Variants in LRRC7 observed in about 807,000 individuals in gnomAD.
LRRC7 encodes the protein leucine rich repeat containing 7.
Under a neutral mutation model 175.7 loss-of-function variants are expected in LRRC7, and 23 were observed. The ratio of observed to expected loss-of-function variants is 0.13; its 90% CI spans 0.09 to 0.19. LRRC7 has a LOEUF of 0.19. LRRC7 is among the 10% of genes least tolerant of loss of function. The pLI is 1.00. For synonymous variants in LRRC7, 685 were observed against 680.9 expected (o/e 1.01, Z -0.09); for missense variants, 1,354 against 1,904.7 (o/e 0.71, Z 5.38).
At chr1:70,050,562 T>C (rs549684015) in intron 22 of LRRC7, among the ~76,000 whole-genome samples, 1 of 152,158 alleles carries the variant, frequency 6.6e-6, no homozygotes, top group Admixed American at 6.5e-5. Context: ...CCAAAGAAAA[T>C]ATCAAGAATG....
At chr1:69,887,581 G>T (rs1205364968) in intron 7 of LRRC7, among the ~76,000 whole-genome samples, 19 of 152,084 alleles carry the variant, frequency 1.2e-4, no homozygotes, top group Admixed American at 1.2e-3. Context: ...CCATAGCTCA[G>T]AGTAATTTGA....
At chr1:69,724,278 G>GT (rs1666686691) in intron 2 of LRRC7, among the ~76,000 whole-genome samples, 1 of 152,126 alleles carries the variant, frequency 6.6e-6, no homozygotes, top group African/African-American at 2.4e-5. Flanking sequence ...GCAGGCGGAG[G>GT]TTGCAGTGAA....
At chr1:69,637,565 G>A (rs1653582394) in intron 1 of LRRC7, among the ~76,000 whole-genome samples, 1 of 151,790 alleles carries the variant, frequency 6.6e-6, no homozygotes, top group Admixed American at 6.6e-5. Context: ...TTGGAAAATT[G>A]ACTGGATTTT....
chr1:70,062,265 A>T (rs1661637142), intron 23 of LRRC7, among the ~76,000 whole-genome samples: 1 of 152,124 alleles, frequency 6.6e-6, no homozygotes, highest in East Asian at 1.9e-4. Context: ...TGCACTGTTG[A>T]GGTTGTAAAA....
chr1:69,698,382 G>A (rs753848227), intron 2 of LRRC7, among the ~76,000 whole-genome samples: 41 of 152,158 alleles, frequency 2.7e-4, no homozygotes, highest in Non-Finnish European at 5.7e-4. Flanking sequence ...TCTGATATTT[G>A]ACAAAAATGA....
chr1:69,644,006 G>T (rs903463237), intron 1 of LRRC7, among the ~76,000 whole-genome samples: 2 of 152,260 alleles, frequency 1.3e-5, no homozygotes, highest in African/African-American at 4.8e-5. Context: ...AGCAAAATTT[G>T]TGGGATGCAG....
intron 1 of LRRC7, among the ~76,000 whole-genome samples, chr1:69,676,783 A>T (rs955403103): frequency 1.3e-5 from 2 of 151,994 alleles, no homozygotes; most frequent in Non-Finnish European, 2.9e-5. Context: ...TTTTTAAAAA[A>T]TTTTCTTATT....
chr1:70,061,396 A>T (rs1661565076), intron 23 of LRRC7, among the ~76,000 whole-genome samples: 1 of 151,966 alleles, frequency 6.6e-6, no homozygotes, highest in Admixed American at 6.6e-5. Context: ...GTCACTTAGA[A>T]CTTTGTGTCA....
At chr1:69,929,735 A>G (rs994716412) in intron 7 of LRRC7, among the ~76,000 whole-genome samples, 70 of 152,318 alleles carry the variant, frequency 4.6e-4, no homozygotes, top group African/African-American at 1.6e-3. Flanking sequence ...GCAATCACAG[A>G]TATTCTTCTA....
chr1:69,663,700 ATTTTTTTTTTTTT>A (rs552339451), intron 1 of LRRC7, among the ~76,000 whole-genome samples: 9 of 67,744 alleles, frequency 1.3e-4, no homozygotes, highest in South Asian at 6.1e-4. Flanking sequence ...AATCGTTTTA[ATTTTTTTTTTTTT>A]TTTTTTTTTT....
At chr1:69,781,953 AAAG>A (rs1477554402) in intron 3 of LRRC7, among the ~76,000 whole-genome samples, 2 of 143,574 alleles carry the variant, frequency 1.4e-5, no homozygotes, top group Non-Finnish European at 2.9e-5. Flanking sequence ...AAAAGAAAAG[AAAG>A]AAAGAAAGAA....
chr1:69,661,255 C>T (rs181190848), intron 1 of LRRC7, among the ~76,000 whole-genome samples: 27 of 152,160 alleles, frequency 1.8e-4, no homozygotes, highest in South Asian at 4.1e-4. Context: ...TTCACTCAAT[C>T]GCAAATAAAA....
intron 17 of LRRC7, 51 bp from the exon 18 acceptor site, chr1:70,028,120 C>A: frequency 6.8e-7 from 1 of 1,475,496 alleles, no homozygotes; most frequent in Non-Finnish European, 9.4e-7. Context: ...GTTTTGTGAA[C>A]ATGCTTGCTG....
chr1:69,999,253 GGCTGTCAGCA>G (rs1178232555), intron 11 of LRRC7, among the ~76,000 whole-genome samples: 11 of 152,288 alleles, frequency 7.2e-5, no homozygotes, highest in Admixed American at 3.9e-4. Flanking sequence ...AACATCAGTT[GGCTGTCAGCA>G]GCTTTCACTT....
rs1419418579 is a variant in LRRC7 at position 70,140,601 on chromosome 1, C to T, written c.*18714C>T. ...GCCTTCTGCACAAGACAAAATCCTT[C>T]TGGTGATCCTCAGGCAAGTATAATA... On this transcript the variant is annotated 3_prime_UTR_variant, in exon 27 of 27. Coordinates refer to ENST00000651989, the MANE Select transcript of LRRC7 (RefSeq NM_001370785.2). The T allele has an allele frequency of 6.6e-6, 1 of 152,158 alleles. No homozygotes were observed. The highest frequency in any genetic ancestry group is 2.4e-5 in the African/African-American group (1 of 41,448). The allele number at this position is 152,158 out of a possible 1,614,324, so 9.4% of individuals were successfully genotyped here.
At chr1:69,742,366 G>A (rs2100861096) in intron 2 of LRRC7, among the ~76,000 whole-genome samples, 1 of 152,048 alleles carries the variant, frequency 6.6e-6, no homozygotes, top group East Asian at 1.9e-4. Flanking sequence ...ATATAACTAA[G>A]TAACATAGAA....
At chr1:69,587,285 C>T (rs1646441031) in intron 1 of LRRC7, among the ~76,000 whole-genome samples, 1 of 151,976 alleles carries the variant, frequency 6.6e-6, no homozygotes, top group South Asian at 2.1e-4. Context: ...TTTTCATTTT[C>T]CTCTTCTCTC....
chr1:69,669,344 T>C (rs1376585973), intron 1 of LRRC7, among the ~76,000 whole-genome samples: 1 of 152,220 alleles, frequency 6.6e-6, no homozygotes, highest in Non-Finnish European at 1.5e-5. Flanking sequence ...CTGAATATAG[T>C]ATTCTAAGGT....
At position 70,125,678 on chromosome 1, in the gene LRRC7, G is replaced by C. The variant is rs1194100820; in HGVS notation, c.*3791G>C. 6.7e-6 allele frequency among the ~76,000 whole-genome samples: 1 copy of C among 148,484 alleles called. No individual in the cohort carries two copies. The highest frequency in any genetic ancestry group is 1.5e-5 in the Non-Finnish European group (1 of 66,718). On this transcript the variant is annotated 3_prime_UTR_variant, in exon 27 of 27. Coordinates refer to ENST00000651989, the MANE Select transcript of LRRC7 (RefSeq NM_001370785.2). ...GTAGTGGCGGGCGCCTGTAGTCCCA[G>C]CTACTTGGGAGGCTGAGGCAGGAGA...
Sources: gnomAD v4.1 joint callset for allele counts (sites outside exome capture counted in the v4.1 genomes callset) on GRCh38, gnomAD v4.1.1 for gene constraint, MANE v1.5 for transcripts, NCBI Gene and HGNC (gene_info 2026-07-23, HGNC 2026-07-21) for gene names.